POU3F3: variants seen among roughly 807,000 people sequenced by gnomAD.
POU3F3 encodes the protein POU domain, class 3, transcription factor 3.
Under a neutral mutation model 8.6 loss-of-function variants are expected in POU3F3, and 1 was observed. The observed-to-expected ratio is 0.12, with a 90% CI of 0.04 to 0.55. The LOEUF (loss-of-function observed/expected upper bound fraction) is 0.55. Among genes scored for constraint, POU3F3 ranks in the 20% least tolerant of loss-of-function variants. The pLI, the probability that POU3F3 is intolerant of heterozygous loss-of-function variation, is 0.91. For missense variants in POU3F3, 577 were observed against 690.7 expected (o/e 0.84, Z 1.84); for synonymous variants, 418 against 327.4 (o/e 1.28, Z -2.99).
chr2:104,884,566 C>T, the POU3F3 span, among the ~76,000 whole-genome samples: 125 of 152,338 alleles, frequency 8.2e-4, no homozygotes, highest in Non-Finnish European at 1.5e-3. Flanking sequence ...CACTTCAACA[C>T]ATCTGGCACT....
At chr2:104,878,499 T>C in the POU3F3 span, among the ~76,000 whole-genome samples, 1 of 152,254 alleles carries the variant, frequency 6.6e-6, no homozygotes, top group African/African-American at 2.4e-5. Context: ...CAATGGAAGC[T>C]TGGTGCTTTT....
chr2:104,883,080 G>A, the POU3F3 span, among the ~76,000 whole-genome samples: 2 of 152,240 alleles, frequency 1.3e-5, no homozygotes, highest in Admixed American at 6.5e-5. Flanking sequence ...GCAGGGAGAA[G>A]AGATGACCAG....
rs1035661352 is a variant in POU3F3, at chr2:104,856,837, C to T, written c.1327C>T (p.Leu443=). 8 of 1,614,000 alleles carry T rather than the reference C, an allele frequency of 5.0e-6. No individual in the cohort carries two copies. The highest frequency in any genetic ancestry group is 1.1e-5 in the South Asian group (1 of 91,092). ...GGAGATCACCAACCTGGCCGACAGC[C>T]TGCAGCTCGAGAAGGAGGTGGTGCG... The part of the protein sequence containing the change: ...AQEITNLADS[L]QLEKEVVRVW... The change falls in exon 1 of 1, where the codon CTG becomes TTG. Residue 443 remains leucine (L), a synonymous_variant. Coordinates refer to ENST00000361360, the MANE Select transcript of POU3F3 (RefSeq NM_006236.3).
At position 104,855,844 on chromosome 2, in the gene POU3F3, G is replaced by T; in HGVS notation, c.334G>T (p.Ala112Ser). The change falls in exon 1 of 1, where the codon GCC becomes TCC. Residue 112 changes from alanine to serine, a missense_variant. Ala to Ser is a moderately conservative substitution (Grantham distance 99). Coordinates refer to ENST00000361360, the MANE Select transcript of POU3F3 (RefSeq NM_006236.3). ...CGCCGCCGCCGCCGCCGCCGCTGCC[G>T]CCGCCGCCGCCGTGGAGGCGAGCTC... Reference protein sequence around the residue: ...PHAAAAAAAAAAAAVEASSPW... With the variant: ...PHAAAAAAAASAAAVEASSPW... 2 of 1,085,432 alleles carry T rather than the reference G, an allele frequency of 1.8e-6. No individual in the cohort carries two copies. The highest frequency in any genetic ancestry group is 7.2e-5 in the East Asian group (1 of 13,854). The allele number at this position is 1,085,432 out of a possible 1,614,324, so 67.2% of individuals were successfully genotyped here.
chr2:104,860,822 T>C (rs1314044995), downstream of POU3F3, among the ~76,000 whole-genome samples: 1 of 146,732 alleles, frequency 6.8e-6, no homozygotes, highest in Non-Finnish European at 1.5e-5. Flanking sequence ...CGAAGAGAAC[T>C]GTTCGTTATT....
the POU3F3 span, among the ~76,000 whole-genome samples, chr2:104,893,814 C>G: frequency 6.9e-6 from 1 of 145,184 alleles, no homozygotes; most frequent in Non-Finnish European, 1.5e-5. Context: ...ACCCTGGAGG[C>G]GGAGGTTGCA....
At chr2:104,866,696 A>C in the POU3F3 span, 1 of 152,324 alleles carries the variant, frequency 6.6e-6, no homozygotes, top group Non-Finnish European at 1.5e-5. Context: ...AGGAGGATTG[A>C]AGACCAGTTA....
In POU3F3 at chr2:104,855,870, G is replaced by T. The variant is rs191591917; in HGVS notation, c.360G>T (p.Ser120=). ...AAAAAAVEAS[S]PWSGSAVGMA... ...CCGCCGCCGCCGTGGAGGCGAGCTC[G>T]CCGTGGTCGGGCAGCGCCGTGGGCA... is the stretch of plus-strand genomic sequence containing the variant. The change falls in exon 1 of 1, where the codon TCG becomes TCT. Residue 120 remains serine, a synonymous_variant. Transcript: ENST00000361360. 1 of 1,065,352 alleles carries T rather than the reference G, an allele frequency of 9.4e-7. No individual in the cohort carries two copies. Among genetic ancestry groups the T allele is most frequent in the Non-Finnish European group, 1.1e-6 (1 of 888,276 alleles). The allele number at this position is 1,065,352 out of a possible 1,614,324, so 66.0% of individuals were successfully genotyped here.
the POU3F3 span, among the ~76,000 whole-genome samples, chr2:104,914,816 C>G: frequency 7.2e-5 from 11 of 152,252 alleles, no homozygotes; most frequent in African/African-American, 2.4e-4. Context: ...AGATCTGACC[C>G]GGACAGTAGG....
chr2:104,875,481 A>T, the POU3F3 span, among the ~76,000 whole-genome samples: 2 of 152,224 alleles, frequency 1.3e-5, no homozygotes, highest in East Asian at 3.8e-4. Flanking sequence ...ATTTCTCCAC[A>T]TTCTCACCAA....
chr2:104,872,483 C>G, the POU3F3 span: 1 of 392,472 alleles, frequency 2.5e-6, no homozygotes, highest in East Asian at 7.5e-5. The surrounding 1 kb of genome is among the most constrained non-coding windows in gnomAD (Gnocchi z 4.6). Context: ...CCGTTCGCCC[C>G]GAGCCTCCCT....
At chr2:104,897,886 A>G in the POU3F3 span, among the ~76,000 whole-genome samples, 1 of 152,216 alleles carries the variant, frequency 6.6e-6, no homozygotes, top group African/African-American at 2.4e-5. Flanking sequence ...CTAGGGCCTT[A>G]TGAAGATAGA....
chr2:104,866,600 T>C, the POU3F3 span: 1 of 152,172 alleles, frequency 6.6e-6, no homozygotes, highest in Non-Finnish European at 1.5e-5. Context: ...GTGAGTGTGT[T>C]ACATAACATA....
chr2:104,861,670 C>A (rs1676657224), downstream of POU3F3, among the ~76,000 whole-genome samples: 4 of 152,206 alleles, frequency 2.6e-5, no homozygotes, highest in South Asian at 8.3e-4. Context: ...AGCCCTTTGT[C>A]CTAGTCCAGC....
rs748277563 is a variant in POU3F3 at position 104,857,036 on chromosome 2, G to GGCCGCCGCC, written c.*33_*41dup. The GGCCGCCGCC allele has an allele frequency of 3.4e-6, 5 of 1,454,752 alleles. No individual in the cohort carries two copies. The highest frequency in any genetic ancestry group is 5.3e-5 in the East Asian group (2 of 37,998). The allele number at this position is 1,454,752 out of a possible 1,614,324, so 90.1% of individuals were successfully genotyped here. A position where few individuals can be genotyped will look rare whatever the true frequency, so the allele number is the denominator to read the frequency against. ...TGAAGCCAGGGCGCAGAGCGAAGAGGGCCGCCGCCGCCGCCGCCTCCGCAG... is the reference window on the plus strand; with the variant it reads ...TGAAGCCAGGGCGCAGAGCGAAGAGGGCCGCCGCCGCCGCCGCCGCCGCCGCCTCCGCAG... On this transcript the variant is annotated 3_prime_UTR_variant, in exon 1 of 1. Transcript: ENST00000361360.
the POU3F3 span, among the ~76,000 whole-genome samples, chr2:104,904,709 A>AAAG: frequency 2.0e-5 from 3 of 152,134 alleles, no homozygotes; most frequent in South Asian, 2.1e-4. Context: ...ACTGAGGTAC[A>AAAG]TCAGTTCCTG....
Position 104,856,568 on chromosome 2 carries a change from A to C in POU3F3, c.1058A>C (p.Asn353Thr). The C allele has an allele frequency of 6.2e-7, 1 of 1,614,160 alleles. No homozygotes were observed. Among genetic ancestry groups the C allele is most frequent in the Non-Finnish European group, 8.5e-7 (1 of 1,180,026 alleles). ...VGLALGTLYG[N>T]VFSQTTICRF... ...TTGGCGCTGGGCACACTCTACGGCA[A>C]CGTGTTCTCGCAGACCACCATCTGC... Residue 353 changes from asparagine to threonine, a missense_variant, in exon 1 of 1, where the codon AAC becomes ACC. Transcript: ENST00000361360.
the POU3F3 span, among the ~76,000 whole-genome samples, chr2:104,892,451 A>G: frequency 4.6e-5 from 7 of 151,884 alleles, 1 homozygote; most frequent in Middle Eastern, 6.3e-3. Flanking sequence ...ATGCTTATTT[A>G]TTTATTTACT....
chr2:104,888,849 T>C, the POU3F3 span, among the ~76,000 whole-genome samples: 1 of 152,218 alleles, frequency 6.6e-6, no homozygotes, highest in Non-Finnish European at 1.5e-5. Flanking sequence ...ATCCAAACAC[T>C]TTAGTCAGTG....
Sources: gnomAD v4.1 joint callset for allele counts (sites outside exome capture counted in the v4.1 genomes callset) on GRCh38, gnomAD v4.1.1 for gene constraint, Gnocchi (gnomAD v3.1) non-coding constraint, MANE v1.5 for transcripts, NCBI Gene and HGNC (gene_info 2026-07-23, HGNC 2026-07-21) for gene names.